The following RNGTT variants were observed in gnomAD, a reference collection of about 807,000 sequenced individuals.
RNGTT encodes RNA guanylyltransferase and 5'-phosphatase.
A neutral mutation model predicts 79.3 loss-of-function variants in RNGTT; 33 were observed. The ratio of observed to expected loss-of-function variants is 0.42; its 90% CI spans 0.32 to 0.56. The LOEUF is 0.56. Among genes scored for constraint, RNGTT ranks in the 20% least tolerant of loss-of-function variants. The probability of loss-of-function intolerance (pLI) is 0.17; values close to 1 mark genes in which losing one functional copy is unlikely to be tolerated. For missense variants in RNGTT, 497 were observed against 739.1 expected (o/e 0.67, Z 3.80); for synonymous variants, 222 against 235.9 (o/e 0.94, Z 0.54).
intron 11 of RNGTT, among the ~76,000 whole-genome samples, chr6:88,840,285 G>A (rs1781231719): frequency 6.6e-6 from 1 of 152,058 alleles, no homozygotes; most frequent in Admixed American, 6.5e-5. Context: ...TTTTCCTTTT[G>A]TATTCTACAA....
At chr6:88,848,806 G>A (rs960909983) in intron 10 of RNGTT, among the ~76,000 whole-genome samples, 2 of 151,956 alleles carry the variant, frequency 1.3e-5, no homozygotes, top group Non-Finnish European at 2.9e-5. Context: ...TATTGGATTC[G>A]TAATGAATCA....
rs539870851 is a variant in RNGTT, at chr6:88,620,573, C to T, written c.1507-6178G>A. Among the ~76,000 whole-genome samples the T allele has an allele frequency of 2.8e-4, 42 of 152,192 alleles. No homozygotes were observed. The South Asian group carries it at 6.2e-3, about 23-fold the overall frequency. On this transcript the variant is annotated intron_variant, in intron 14 of 15. Coordinates refer to ENST00000369485, the MANE Select transcript of RNGTT (RefSeq NM_003800.5). ...AAACAAAAAATCCTAAAATAAACTA[C>T]GTTTCACCAATGATGATAAACATCA... is the stretch of plus-strand genomic sequence containing the variant.
chr6:88,771,836 CA>C (rs1329894179), intron 12 of RNGTT, among the ~76,000 whole-genome samples: 13 of 151,906 alleles, frequency 8.6e-5, no homozygotes, highest in African/African-American at 3.1e-4. Context: ...TGCTTCTATA[CA>C]CCAGCAATAA....
intron 4 of RNGTT, among the ~76,000 whole-genome samples, chr6:88,917,453 A>C (rs80063928): frequency 2.0e-5 from 3 of 152,218 alleles, no homozygotes; most frequent in African/African-American, 7.2e-5. Flanking sequence ...CTGTGGTAAG[A>C]AATGCCAAAT....
intron 13 of RNGTT, among the ~76,000 whole-genome samples, chr6:88,755,569 G>A (rs539060364): frequency 1.1e-4 from 16 of 152,076 alleles, no homozygotes; most frequent in Non-Finnish European, 1.9e-4. Context: ...GGGGGAATGG[G>A]TGGTGAGAAT....
chr6:88,621,275 C>G (rs1772434760), intron 14 of RNGTT, among the ~76,000 whole-genome samples: 1 of 152,122 alleles, frequency 6.6e-6, no homozygotes, highest in African/African-American at 2.4e-5. Flanking sequence ...AACAGAATTT[C>G]TATGAAGTTA....
intron 13 of RNGTT, among the ~76,000 whole-genome samples, chr6:88,713,829 A>G (rs1776405659): frequency 6.6e-6 from 1 of 152,232 alleles, no homozygotes; most frequent in Non-Finnish European, 1.5e-5. Context: ...TTGATGCATC[A>G]GACTGAAAAA....
chr6:88,716,848 A>G (rs899863296), intron 13 of RNGTT, among the ~76,000 whole-genome samples: 4 of 152,206 alleles, frequency 2.6e-5, no homozygotes, highest in Non-Finnish European at 4.4e-5. Flanking sequence ...GGACAGCATT[A>G]GGAGATATAC....
intron 12 of RNGTT, among the ~76,000 whole-genome samples, chr6:88,776,159 G>A (rs1778870907): frequency 6.6e-6 from 1 of 152,050 alleles, no homozygotes; most frequent in Non-Finnish European, 1.5e-5. Context: ...TACCAACAGT[G>A]GGACACCCTT....
chr6:88,631,770 G>C (rs1285210011), intron 14 of RNGTT, among the ~76,000 whole-genome samples: 2 of 152,056 alleles, frequency 1.3e-5, no homozygotes, highest in African/African-American at 4.8e-5. Context: ...TGGGAGAAAA[G>C]CATCCGTCAG....
intron 14 of RNGTT, among the ~76,000 whole-genome samples, chr6:88,662,930 T>A (rs1582295974): frequency 1.3e-5 from 2 of 152,358 alleles, no homozygotes; most frequent in East Asian, 3.9e-4. Flanking sequence ...AGCATGGCTT[T>A]CTTGGCACTT....
chr6:88,754,236 A>G (rs1414145296), intron 13 of RNGTT, among the ~76,000 whole-genome samples: 2 of 152,126 alleles, frequency 1.3e-5, no homozygotes, highest in Non-Finnish European at 1.5e-5. Flanking sequence ...CTAGCAGGGG[A>G]AATGATTGAG....
intron 1 of RNGTT, among the ~76,000 whole-genome samples, chr6:88,949,798 G>T (rs1785181328): frequency 6.6e-6 from 1 of 152,188 alleles, no homozygotes; most frequent in Non-Finnish European, 1.5e-5. Context: ...AAGGTACAAG[G>T]TAAAGTGCTG....
intron 11 of RNGTT, among the ~76,000 whole-genome samples, chr6:88,837,315 TG>T (rs1421739345): frequency 2.6e-5 from 4 of 152,252 alleles, no homozygotes; most frequent in African/African-American, 9.6e-5. Context: ...GAGGATCACT[TG>T]AGCCCAGGAG....
Position 88,904,760 on chromosome 6 carries a change from C to G in RNGTT, c.639G>C (p.Gly213=), listed in dbSNP as rs776242106. The change falls in exon 6 of 16, where the codon GGG becomes GGC. Residue 213 remains glycine, a synonymous_variant. Transcript: ENST00000369485. The part of the protein sequence containing the change: ...DEDGKKESEP[G]SSASFGKRRK... Reference sequence around the variant, plus strand: ...TCCTTTTGCCAAAAGAAGCACTTGACCCGGGTTCTGATTCCTTCTTTCCAT... The same window carrying G: ...TCCTTTTGCCAAAAGAAGCACTTGAGCCGGGTTCTGATTCCTTCTTTCCAT... The G allele has an allele frequency of 3.1e-6, 5 of 1,613,916 alleles. No individual in the cohort carries two copies. The African/African-American group carries it at 6.7e-5, about 22-fold the overall frequency.
chr6:88,739,056 G>A (rs1777379764), intron 13 of RNGTT, among the ~76,000 whole-genome samples: 1 of 151,754 alleles, frequency 6.6e-6, no homozygotes, highest in Non-Finnish European at 1.5e-5. Context: ...ATTATATAAA[G>A]AAGATAAAAA....
intron 8 of RNGTT, among the ~76,000 whole-genome samples, chr6:88,864,060 G>A (rs1006258528): frequency 1.6e-4 from 24 of 152,030 alleles, no homozygotes; most frequent in African/African-American, 5.8e-4. Flanking sequence ...CTGTTTCTAA[G>A]CCCATGTAGC....
chr6:88,617,154 C>T (rs1204855254), intron 14 of RNGTT, among the ~76,000 whole-genome samples: 2 of 152,194 alleles, frequency 1.3e-5, no homozygotes, highest in Non-Finnish European at 2.9e-5. Context: ...CCTGCAGTCC[C>T]AGCTACTCGG....
chr6:88,840,319 AT>A (rs1357845248), intron 11 of RNGTT, among the ~76,000 whole-genome samples: 22 of 152,314 alleles, frequency 1.4e-4, no homozygotes, highest in Admixed American at 8.5e-4. Context: ...AGTAAGAGAC[AT>A]TAAGGACAAA....
Sources: allele counts gnomAD v4.1 joint callset (sites outside exome capture counted in the v4.1 genomes callset), GRCh38; gene constraint gnomAD v4.1.1; transcripts MANE v1.5; gene names NCBI Gene and HGNC (gene_info 2026-07-23, HGNC 2026-07-21).